The following SULT1B1 variants were observed in gnomAD, a reference collection of about 807,000 sequenced individuals.
SULT1B1 encodes sulfotransferase family 1B member 1, also known as sulfotransferase 1B1.
Under a neutral mutation model 34.6 loss-of-function variants are expected in SULT1B1, and 28 were observed. That is an observed-to-expected ratio of 0.81 (90% confidence interval 0.60 to 1.11). The LOEUF (loss-of-function observed/expected upper bound fraction) is 1.11. SULT1B1 is among the 50% of genes least tolerant of loss of function. The pLI, the probability that SULT1B1 is intolerant of heterozygous loss-of-function variation, is 0.00. For synonymous variants in SULT1B1, 147 were observed against 110.2 expected (o/e 1.33, Z -2.09); for missense variants, 374 against 352.2 (o/e 1.06, Z -0.50).
chr4:69,759,806 G>A (rs1409379890), intron 1 of SULT1B1, among the ~76,000 whole-genome samples: 1 of 152,034 alleles, frequency 6.6e-6, no homozygotes, highest in African/African-American at 2.4e-5. Flanking sequence ...ATTATACATG[G>A]GATCTCAAGA....
At chr4:69,742,582 G>A (rs920631501) in intron 4 of SULT1B1, among the ~76,000 whole-genome samples, 2 of 152,144 alleles carry the variant, frequency 1.3e-5, no homozygotes, top group African/African-American at 4.8e-5. Flanking sequence ...AAATTTATGG[G>A]GGTTTCAATC....
At chr4:69,742,431 T>C (rs755036819) in intron 4 of SULT1B1, among the ~76,000 whole-genome samples, 2 of 152,228 alleles carry the variant, frequency 1.3e-5, no homozygotes, top group Non-Finnish European at 2.9e-5. Flanking sequence ...GAAATAATTT[T>C]AGTAGGATTG....
rs754823971 is a variant in SULT1B1, at chr4:69,727,043, A to G, written c.*45T>C. Reference sequence around the variant, plus strand: ...TTCATAACTGCCCTCGTTTCAATCAACTACAGACAATCTCTTATTTCTTCA... The same window carrying G: ...TTCATAACTGCCCTCGTTTCAATCAGCTACAGACAATCTCTTATTTCTTCA... On this transcript the variant is annotated 3_prime_UTR_variant, in exon 8 of 8. Coordinates refer to ENST00000310613, the MANE Select transcript of SULT1B1 (RefSeq NM_014465.4). The G allele has an allele frequency of 5.5e-6, 8 of 1,459,240 alleles. No homozygotes were observed. Among genetic ancestry groups the G allele is most frequent in the South Asian group, 1.3e-5 (1 of 79,594 alleles). 90.4% of individuals were successfully genotyped at this position (1,459,240 alleles called of 1,614,324 possible).
Position 69,749,774 on chromosome 4 carries a change from T to C in SULT1B1, c.322A>G (p.Thr108Ala). The C allele has an allele frequency of 6.2e-7, 1 of 1,613,682 alleles. No individual in the cohort carries two copies. The highest frequency in any genetic ancestry group is 8.5e-7 in the Non-Finnish European group (1 of 1,179,684). Residue 108 changes from threonine (T) to alanine (A), a missense_variant, in exon 4 of 8, where the codon ACA becomes GCA. Transcript: ENST00000310613. ...GGAAGAAGATCAGTCGGTAGATGTG[T>C]TTTCACAATCCGGGGTGATGGATTC... is the stretch of plus-strand genomic sequence containing the variant. The part of the protein sequence containing the change: ...EKNPSPRIVK[T>A]HLPTDLLPKS...
At chr4:69,740,031 C>T (rs183666173) in intron 4 of SULT1B1, among the ~76,000 whole-genome samples, 25 of 152,282 alleles carry the variant, frequency 1.6e-4, no homozygotes, top group African/African-American at 5.8e-4. Context: ...TTTTCCACAT[C>T]TTCCAGTGTT....
At chr4:69,739,572 T>C (rs1184848579) in intron 4 of SULT1B1, among the ~76,000 whole-genome samples, 1 of 152,208 alleles carries the variant, frequency 6.6e-6, no homozygotes, top group Non-Finnish European at 1.5e-5. Flanking sequence ...GAAACCATTT[T>C]TTCTTCCTAG....
chr4:69,723,584 T>A lies in SULT1B1; in HGVS notation c.*3504A>T, dbSNP rs1458580183. 6.6e-6 allele frequency: 1 copy of A among 152,126 alleles called. No individual in the cohort carries two copies. The highest frequency in any genetic ancestry group is 2.4e-5 in the African/African-American group (1 of 41,416). The allele number at this position is 152,126 out of a possible 1,614,324, so 9.4% of individuals were successfully genotyped here. A position where few individuals can be genotyped will look rare whatever the true frequency, so the allele number is the denominator to read the frequency against. On this transcript the variant is annotated 3_prime_UTR_variant, in exon 8 of 8. Coordinates refer to ENST00000310613, the MANE Select transcript of SULT1B1 (RefSeq NM_014465.4). ...AGAGACACAACAAAAAAAGAGAATT[T>A]TAGACCAATAACCCTGATGAACATT...
chr4:69,758,411 C>G, intron 1 of SULT1B1: 1 of 985,280 alleles, frequency 1.0e-6, no homozygotes, highest in Non-Finnish European at 1.2e-6. Flanking sequence ...GACTTGATTT[C>G]CACATGATGA....
intron 7 of SULT1B1, among the ~76,000 whole-genome samples, chr4:69,728,587 A>C (rs917533035): frequency 6.6e-6 from 1 of 151,970 alleles, no homozygotes; most frequent in East Asian, 1.9e-4. Flanking sequence ...AAGTTTTTCT[A>C]TATGCAAATT....
chr4:69,760,182 G>T (rs1719339428), intron 1 of SULT1B1: 2 of 976,072 alleles, frequency 2.0e-6, no homozygotes, highest in African/African-American at 1.8e-5. Flanking sequence ...ACTTGAAAAA[G>T]ATTTCTTTTT....
At chr4:69,757,477 C>CCTAATGTT (rs1396204791) in intron 1 of SULT1B1, among the ~76,000 whole-genome samples, 2 of 152,090 alleles carry the variant, frequency 1.3e-5, no homozygotes, top group African/African-American at 4.8e-5. Context: ...AACTAGTTTA[C>CCTAATGTT]CTAATGTTAA....
intron 6 of SULT1B1, among the ~76,000 whole-genome samples, chr4:69,731,833 T>C (rs1480972137): frequency 1.3e-5 from 2 of 152,190 alleles, no homozygotes; most frequent in Non-Finnish European, 2.9e-5. Context: ...GCATTTTAGC[T>C]AAATAAAGAC....
chr4:69,752,525 A>G (rs1187506519), intron 3 of SULT1B1, among the ~76,000 whole-genome samples: 2 of 152,224 alleles, frequency 1.3e-5, no homozygotes, highest in East Asian at 3.8e-4. Flanking sequence ...CTTTTGTTAT[A>G]TAAGTAAAAT....
At position 69,729,797 on chromosome 4, in the gene SULT1B1, C is replaced by A. The variant is rs191430184; in HGVS notation, c.778+704G>T. On this transcript the variant is annotated intron_variant, in intron 7 of 7. Transcript: ENST00000310613. ...TCAATCAAAGATATTGAAAACAGAT[C>A]GTGGCATTATTAAGTGGATAACTTC... 3.8e-3 allele frequency among the ~76,000 whole-genome samples: 571 copies of A among 152,086 alleles called. 4 individuals carry two copies. Among genetic ancestry groups the A allele is most frequent in the Non-Finnish European group, 5.1e-3 (344 of 67,960 alleles).
At chr4:69,760,245 G>A in intron 1 of SULT1B1, 1 of 983,418 alleles carries the variant, frequency 1.0e-6, no homozygotes, top group African/African-American at 1.7e-5. Flanking sequence ...GCATGCTTCA[G>A]TTCCACTAAA....
chr4:69,737,569 G>A (rs900168377), intron 4 of SULT1B1, among the ~76,000 whole-genome samples: 3 of 152,066 alleles, frequency 2.0e-5, no homozygotes, highest in Non-Finnish European at 4.4e-5. Context: ...TGAAAATACG[G>A]AGATAGTAAA....
intron 4 of SULT1B1, among the ~76,000 whole-genome samples, chr4:69,744,014 AC>A (rs1560526738): frequency 2.0e-5 from 3 of 151,894 alleles, no homozygotes; most frequent in African/African-American, 7.3e-5. Flanking sequence ...CATAGCCATT[AC>A]TTGCGCTGCT....
At chr4:69,754,525 C>T in intron 3 of SULT1B1, 145 bp downstream of exon 3, 1 of 695,656 alleles carries the variant, frequency 1.4e-6, no homozygotes, top group Non-Finnish European at 2.3e-6. Flanking sequence ...AAAGTTTCTT[C>T]TTATTCTTCA....
chr4:69,738,185 A>T (rs1052564399), intron 4 of SULT1B1, among the ~76,000 whole-genome samples: 5 of 152,136 alleles, frequency 3.3e-5, no homozygotes, highest in Non-Finnish European at 7.4e-5. Context: ...GCTGCAGAAA[A>T]CATGATTTCC....
Sources: gnomAD v4.1 joint callset for allele counts (sites outside exome capture counted in the v4.1 genomes callset) on GRCh38, gnomAD v4.1.1 for gene constraint, MANE v1.5 for transcripts, NCBI Gene and HGNC (gene_info 2026-07-23, HGNC 2026-07-21) for gene names.